AUTS2: variants seen among roughly 807,000 people sequenced by gnomAD.
AUTS2 encodes the protein activator of transcription and developmental regulator AUTS2.
AUTS2 carries 17 observed loss-of-function variants against 112.4 expected under a neutral mutation model. The observed-to-expected ratio is 0.15, with a 90% CI of 0.10 to 0.23. The LOEUF (loss-of-function observed/expected upper bound fraction) is 0.23. AUTS2 is among the 10% of genes least tolerant of loss of function. The pLI, the probability that AUTS2 is intolerant of heterozygous loss-of-function variation, is 1.00. For synonymous variants in AUTS2, 751 were observed against 702.7 expected (o/e 1.07, Z -1.09); for missense variants, 1,510 against 1,701.6 (o/e 0.89, Z 1.98).
At chr7:70,579,052 T>C (rs544083468) in intron 5 of AUTS2, among the ~76,000 whole-genome samples, 69 of 150,452 alleles carry the variant, frequency 4.6e-4, no homozygotes, top group African/African-American at 1.5e-3. Context: ...CCTCAGCCTC[T>C]CGAATAGTTG....
chr7:69,671,701 G>A (rs1796337686), intron 1 of AUTS2, among the ~76,000 whole-genome samples: 1 of 152,046 alleles, frequency 6.6e-6, no homozygotes, highest in Non-Finnish European at 1.5e-5. Flanking sequence ...TGGTCCTTTA[G>A]GACAATTAGT....
chr7:69,657,821 A>G (rs1454760370), intron 1 of AUTS2, among the ~76,000 whole-genome samples: 1 of 152,196 alleles, frequency 6.6e-6, no homozygotes, highest in Admixed American at 6.5e-5. Flanking sequence ...TCTTCTTAGC[A>G]TTTATCACAT....
At chr7:70,613,031 TC>T (rs1441142370) in intron 5 of AUTS2, among the ~76,000 whole-genome samples, 1 of 152,066 alleles carries the variant, frequency 6.6e-6, no homozygotes. Flanking sequence ...ACTTTCTTCT[TC>T]GCTTGGGTGC....
intron 6 of AUTS2, among the ~76,000 whole-genome samples, chr7:70,761,629 C>CTCAAAA (rs1414568778): frequency 9.3e-4 from 141 of 152,214 alleles, no homozygotes; most frequent in African/African-American, 3.2e-3. Flanking sequence ...ACTGGTCTTT[C>CTCAAAA]GTTATTCTGT....
chr7:69,804,799 C>G (rs540106049), intron 1 of AUTS2, among the ~76,000 whole-genome samples: 14 of 152,132 alleles, frequency 9.2e-5, no homozygotes, highest in Non-Finnish European at 1.6e-4. Context: ...GTGTGGTCTT[C>G]GAAGCAGCAA....
intron 2 of AUTS2, among the ~76,000 whole-genome samples, chr7:69,955,607 G>A (rs1471812259): frequency 6.6e-6 from 1 of 152,108 alleles, no homozygotes; most frequent in Admixed American, 6.6e-5. Context: ...AACTGCAGCC[G>A]CTTTGCAAAC....
intron 1 of AUTS2, among the ~76,000 whole-genome samples, chr7:69,670,730 T>C (rs55654955): frequency 0.097 from 14,793 of 151,948 alleles, 1,134 homozygotes; most frequent in African/African-American, 0.21. Context: ...ATTAAAAAAT[T>C]AGCCAAGTGT....
intron 2 of AUTS2, among the ~76,000 whole-genome samples, chr7:70,098,072 A>C (rs1029268466): frequency 6.6e-6 from 1 of 151,800 alleles, no homozygotes; most frequent in East Asian, 1.9e-4. Flanking sequence ...CCATTAAAAG[A>C]AAAAAAAATC....
Position 69,632,938 on chromosome 7 carries a change from G to C in AUTS2, c.309+32976G>C, listed in dbSNP as rs1794335182. On this transcript the variant is annotated intron_variant, in intron 1 of 18. Coordinates refer to ENST00000342771, the MANE Select transcript of AUTS2 (RefSeq NM_015570.4). The stretch of plus-strand genomic sequence containing the variant: ...GATAGTAAAAAGGTTACTATATATA[G>C]TGAAGCAAATTAACATATTCATCAC... Among the ~76,000 whole-genome samples the C allele has an allele frequency of 2.0e-5, 3 of 152,042 alleles. 1 individual carries two copies. In the South Asian group the frequency reaches 6.2e-4, roughly 32 times the overall value.
At chr7:70,640,589 G>A (rs1243810090) in intron 5 of AUTS2, among the ~76,000 whole-genome samples, 3 of 152,004 alleles carry the variant, frequency 2.0e-5, no homozygotes, top group African/African-American at 7.3e-5. Flanking sequence ...GTGTGTGTGT[G>A]TGTGTAAGTG....
At chr7:70,786,931 A>C in intron 17 of AUTS2, 1 of 499,972 alleles carries the variant, frequency 2.0e-6, no homozygotes. Flanking sequence ...GAATTAGGTC[A>C]TCTCAGTACC....
intron 1 of AUTS2, among the ~76,000 whole-genome samples, chr7:69,848,617 C>A (rs953421086): frequency 2.0e-5 from 3 of 152,158 alleles, no homozygotes; most frequent in Non-Finnish European, 4.4e-5. Flanking sequence ...CCCAGGTAAA[C>A]CCTGTCATTA....
At chr7:70,671,822 AGCTCTGTC>A (rs1401264248) in intron 5 of AUTS2, among the ~76,000 whole-genome samples, 1 of 152,202 alleles carries the variant, frequency 6.6e-6, no homozygotes, top group Non-Finnish European at 1.5e-5. Flanking sequence ...TTTGGCGCAG[AGCTCTGTC>A]CTTGGGCCTG....
intron 1 of AUTS2, among the ~76,000 whole-genome samples, chr7:69,761,130 GC>G (rs1401230493): frequency 6.6e-6 from 1 of 152,120 alleles, no homozygotes; most frequent in African/African-American, 2.4e-5. Context: ...TCTATAACTT[GC>G]AAGGCTAATA....
intron 5 of AUTS2, chr7:70,595,987 T>C (rs1803181774): frequency 6.6e-6 from 1 of 151,960 alleles, no homozygotes; most frequent in Admixed American, 6.5e-5. Flanking sequence ...GCCTGCGCGC[T>C]TTGCCGCCGC....
Position 69,899,406 on chromosome 7 carries a change from C to T in AUTS2, c.430C>T (p.His144Tyr), listed in dbSNP as rs749455990. The T allele has an allele frequency of 6.2e-7, 1 of 1,614,012 alleles. No individual in the cohort carries two copies. Among genetic ancestry groups the T allele is most frequent in the Non-Finnish European group, 8.5e-7 (1 of 1,179,908 alleles). The change falls in exon 2 of 19, where the codon CAC becomes TAC. Residue 144 changes from histidine to tyrosine, a missense_variant. His to Tyr is a moderately conservative substitution (Grantham distance 83). This residue lies in a region of AUTS2 where 535 missense variants were observed against 594.3 expected (regional missense o/e 0.90). Coordinates refer to ENST00000342771, the MANE Select transcript of AUTS2 (RefSeq NM_015570.4). ...SFHSKKSRLS[H>Y]PHHYSSDREN... ...TCATTCAAAGAAGAGCAGACTCAGC[C>T]ACCCACACCACTACAGCTCAGATCG...
At chr7:69,722,612 A>G (rs895962744) in intron 1 of AUTS2, among the ~76,000 whole-genome samples, 2 of 152,200 alleles carry the variant, frequency 1.3e-5, no homozygotes, top group Non-Finnish European at 2.9e-5. Context: ...CTGGGATTAC[A>G]GGTGTGCACC....
At chr7:70,060,418 G>GT (rs1013880996) in intron 2 of AUTS2, among the ~76,000 whole-genome samples, 1 of 152,186 alleles carries the variant, frequency 6.6e-6, no homozygotes, top group African/African-American at 2.4e-5. Flanking sequence ...AATGCAGATT[G>GT]TTAGACTCTA....
intron 2 of AUTS2, among the ~76,000 whole-genome samples, chr7:69,913,836 C>T (rs541157581): frequency 6.6e-6 from 1 of 152,272 alleles, no homozygotes; most frequent in Admixed American, 6.5e-5. Context: ...TGCTTACTGG[C>T]TCCAGCTCCC....
Sources: gnomAD v4.1 joint callset for allele counts (sites outside exome capture counted in the v4.1 genomes callset) on GRCh38, gnomAD v4.1.1 for gene constraint, gnomAD v4.1.1 regional missense constraint, MANE v1.5 for transcripts, NCBI Gene and HGNC (gene_info 2026-07-23, HGNC 2026-07-21) for gene names.